Variants in DRC12 observed in about 807,000 individuals in gnomAD.
DRC12 encodes the protein dynein regulatory complex subunit 12 homolog.
chr11:119,193,944 A>G, the DRC12 span: 7 of 1,505,692 alleles, frequency 4.6e-6, no homozygotes, highest in Admixed American at 1.2e-4. Flanking sequence ...ATCAGCCCCC[A>G]TGAACGTGAT....
At chr11:119,193,251 G>C in the DRC12 span, 2 of 1,612,714 alleles carry the variant, frequency 1.2e-6, no homozygotes, top group African/African-American at 2.7e-5. Context: ...TCTCTGGGGT[G>C]GGGGCAGTGG....
At chr11:119,190,306 A>G in the DRC12 span, 5 of 1,614,064 alleles carry the variant, frequency 3.1e-6, no homozygotes, top group African/African-American at 4.0e-5. This position sits in a 1 kb window ranked among gnomAD's most constrained non-coding sequence, Gnocchi z 4.2. Flanking sequence ...AACACTAGAG[A>G]CTAGGGGCTG....
chr11:119,194,805 A>G, the DRC12 span: 1 of 593,524 alleles, frequency 1.7e-6, no homozygotes, highest in South Asian at 2.1e-5. Context: ...CCACTAGGGG[A>G]TGGTTAGGGT....
At chr11:119,192,234 C>T in the DRC12 span, among the ~76,000 whole-genome samples, 1 of 152,150 alleles carries the variant, frequency 6.6e-6, no homozygotes, top group African/African-American at 2.4e-5. Context: ...CCTTGGCCTC[C>T]CAAAGTGCTG....
chr11:119,195,575 A>T, the DRC12 span: 1 of 1,088,636 alleles, frequency 9.2e-7, no homozygotes, highest in Non-Finnish European at 1.4e-6. Context: ...GAACCAGGAG[A>T]CTCTCCTGAG....
the DRC12 span, chr11:119,193,759 C>T: frequency 1.9e-6 from 3 of 1,551,656 alleles, no homozygotes; most frequent in Non-Finnish European, 1.7e-6. Context: ...CTTAACCGAC[C>T]ACACACCTGC....
the DRC12 span, among the ~76,000 whole-genome samples, chr11:119,191,182 T>G: frequency 1.3e-5 from 2 of 151,474 alleles, no homozygotes; most frequent in Admixed American, 1.3e-4. Flanking sequence ...TCACTGCAAC[T>G]GCCACCTCCT....
chr11:119,190,605 C>T, the DRC12 span: 3 of 1,551,236 alleles, frequency 1.9e-6, no homozygotes, highest in Non-Finnish European at 1.8e-6. This position sits in a 1 kb window ranked among gnomAD's most constrained non-coding sequence, Gnocchi z 4.2. Context: ...TGGAGACGCT[C>T]CTTCTCCTTA....
chr11:119,195,492 T>C, the DRC12 span: 2 of 1,550,814 alleles, frequency 1.3e-6, no homozygotes, highest in Non-Finnish European at 1.7e-6. Context: ...TGGCATCTCC[T>C]TGCTGTCCTG....
chr11:119,193,456 T>G, the DRC12 span: 1 of 990,080 alleles, frequency 1.0e-6, no homozygotes, highest in South Asian at 1.7e-5. Context: ...AGTCCAGCTT[T>G]GGATGGGGAT....
At chr11:119,194,704 C>CA in the DRC12 span, among the ~76,000 whole-genome samples, 12 of 150,544 alleles carry the variant, frequency 8.0e-5, no homozygotes, top group East Asian at 1.6e-3. Context: ...AAAATTCTGT[C>CA]AAAAAAACCA....
At chr11:119,190,311 G>A in the DRC12 span, 1 of 1,614,148 alleles carries the variant, frequency 6.2e-7, no homozygotes, top group Non-Finnish European at 8.5e-7. The surrounding 1 kb of genome is among the most constrained non-coding windows in gnomAD (Gnocchi z 4.2). Context: ...TAGAGACTAG[G>A]GGCTGGTGGC....
chr11:119,193,982 T>A, the DRC12 span: 2 of 1,248,418 alleles, frequency 1.6e-6, no homozygotes, highest in Non-Finnish European at 2.2e-6. Flanking sequence ...AGAAATCTGG[T>A]GGTGGGGTGT....
the DRC12 span, chr11:119,193,314 G>T: frequency 7.5e-7 from 1 of 1,324,998 alleles, no homozygotes. Context: ...AAATGAAGTT[G>T]TGGGTGGGGA....
At chr11:119,193,241 T>C in the DRC12 span, 3 of 1,613,806 alleles carry the variant, frequency 1.9e-6, no homozygotes, top group Non-Finnish European at 2.5e-6. Context: ...TGGCGACTCA[T>C]CTCTGGGGTG....
the DRC12 span, chr11:119,195,019 C>T: frequency 1.2e-5 from 18 of 1,538,914 alleles, no homozygotes; most frequent in Middle Eastern, 3.3e-4. Flanking sequence ...GGCAGAGCCT[C>T]AGCTCTTCAT....
chr11:119,192,232 T>C, the DRC12 span, among the ~76,000 whole-genome samples: 1 of 152,176 alleles, frequency 6.6e-6, no homozygotes, highest in Admixed American at 6.5e-5. Context: ...TGCCTTGGCC[T>C]CCCAAAGTGC....
the DRC12 span, chr11:119,193,805 G>A: frequency 6.4e-7 from 1 of 1,551,610 alleles, no homozygotes; most frequent in Non-Finnish European, 8.7e-7. Flanking sequence ...GCCCCTTCCA[G>A]CTCAGCCTCC....
chr11:119,190,605 CCTT>C, the DRC12 span: 10 of 1,551,236 alleles, frequency 6.4e-6, no homozygotes, highest in Non-Finnish European at 8.8e-6. This position sits in a 1 kb window ranked among gnomAD's most constrained non-coding sequence, Gnocchi z 4.2. Flanking sequence ...TGGAGACGCT[CCTT>C]CTCCTTAACC....
Sources: gnomAD v4.1 joint callset for allele counts (sites outside exome capture counted in the v4.1 genomes callset) on GRCh38, gnomAD v4.1.1 for gene constraint, Gnocchi (gnomAD v3.1) non-coding constraint, MANE v1.5 for transcripts, NCBI Gene and HGNC (gene_info 2026-07-23, HGNC 2026-07-21) for gene names.